The following PRKAR1A variants were observed in gnomAD, a reference collection of about 807,000 sequenced individuals.
PRKAR1A encodes the protein protein kinase cAMP-dependent type I regulatory subunit alpha, also known as cAMP-dependent protein kinase type I-alpha regulatory subunit.
A neutral mutation model predicts 52.0 loss-of-function variants in PRKAR1A; 3 were observed. That is an observed-to-expected ratio of 0.06 (90% CI 0.03 to 0.15). The LOEUF (loss-of-function observed/expected upper bound fraction) is 0.15. PRKAR1A is among the 10% of genes least tolerant of loss of function. The probability of loss-of-function intolerance (pLI) is 1.00; values close to 1 mark genes in which losing one functional copy is unlikely to be tolerated. For synonymous variants in PRKAR1A, 188 were observed against 168.4 expected (o/e 1.12, Z -0.90); for missense variants, 240 against 477.4 (o/e 0.50, Z 4.63).
At chr17:68,435,814 A>G in the PRKAR1A span, 15 of 1,058,084 alleles carry the variant, frequency 1.4e-5, no homozygotes, top group African/African-American at 3.1e-5. Flanking sequence ...TCCTTTGTCC[A>G]GCTCCCTGTC....
chr17:68,465,611 G>A, the PRKAR1A span, among the ~76,000 whole-genome samples: 1 of 139,124 alleles, frequency 7.2e-6, no homozygotes, highest in Non-Finnish European at 1.6e-5. Flanking sequence ...TGCGGTGCGC[G>A]ACCACGCCCA....
the PRKAR1A span, among the ~76,000 whole-genome samples, chr17:68,501,244 C>T: frequency 6.6e-6 from 1 of 152,146 alleles, no homozygotes; most frequent in Non-Finnish European, 1.5e-5. Flanking sequence ...CTTCTGTGAC[C>T]TCCTTCCTCT....
At chr17:68,539,669 A>G (rs1379622821) in intron 11 of PRKAR1A, among the ~76,000 whole-genome samples, 1 of 152,248 alleles carries the variant, frequency 6.6e-6, no homozygotes, top group African/African-American at 2.4e-5. Context: ...CTATTTCACT[A>G]GAGGGCACAC....
intron 2 of PRKAR1A, among the ~76,000 whole-genome samples, chr17:68,518,462 C>T (rs2085499742): frequency 6.6e-6 from 1 of 152,260 alleles, no homozygotes; most frequent in Admixed American, 6.5e-5. Flanking sequence ...AGGCCCAGCA[C>T]CACTTGTAAG....
intron 11 of PRKAR1A, among the ~76,000 whole-genome samples, chr17:68,538,843 A>G (rs1273086968): frequency 6.6e-6 from 1 of 152,248 alleles, no homozygotes; most frequent in Non-Finnish European, 1.5e-5. Flanking sequence ...TGAAAAAGAC[A>G]AAACGTTGTG....
intron 11 of PRKAR1A, among the ~76,000 whole-genome samples, chr17:68,545,840 C>A (rs2086529083): frequency 6.6e-6 from 1 of 152,214 alleles, no homozygotes; most frequent in Non-Finnish European, 1.5e-5. Flanking sequence ...TAGATTCTAT[C>A]TCAAGAAACC....
chr17:68,550,877 G>T (rs2143648906), intron 11 of PRKAR1A, among the ~76,000 whole-genome samples: 1 of 152,352 alleles, frequency 6.6e-6, no homozygotes, highest in South Asian at 2.1e-4. Flanking sequence ...CGCCAAAGCA[G>T]TTGGGACTGA....
At chr17:68,547,612 T>C (rs183882153) in intron 11 of PRKAR1A, among the ~76,000 whole-genome samples, 3 of 152,392 alleles carry the variant, frequency 2.0e-5, no homozygotes, top group East Asian at 3.9e-4. Flanking sequence ...ACCTCTGCTA[T>C]CTTCCAAGTT....
rs915346095 is a variant in PRKAR1A, at chr17:68,518,276, G to A, written c.177+2700G>A. Among the ~76,000 whole-genome samples, 65 of 152,318 alleles carry A rather than the reference G, an allele frequency of 4.3e-4. 1 individual carries two copies. The highest frequency in any genetic ancestry group is 9.4e-4 in the African/African-American group (39 of 41,554). ...TTAGGCAGTGCTGCAGTGGGGACTC[G>A]GTGTGGGGGCTCCAAACGACCCCAC... On this transcript the variant is annotated intron_variant, in intron 2 of 10. Coordinates refer to ENST00000589228, the MANE Select transcript of PRKAR1A (RefSeq NM_002734.5).
At chr17:68,548,729 T>A (rs1393437386) in intron 11 of PRKAR1A, among the ~76,000 whole-genome samples, 1 of 137,410 alleles carries the variant, frequency 7.3e-6, no homozygotes, top group East Asian at 2.1e-4. Flanking sequence ...CTGTATATTT[T>A]TTTTTTTTTT....
At chr17:68,444,981 C>T in the PRKAR1A span, among the ~76,000 whole-genome samples, 7,527 of 143,560 alleles carry the variant, frequency 0.052, 196 homozygotes, top group Middle Eastern at 0.11. Context: ...AGTGCAGTGG[C>T]GCAATCTCAG....
At chr17:68,480,177 C>A in the PRKAR1A span, among the ~76,000 whole-genome samples, 1 of 152,086 alleles carries the variant, frequency 6.6e-6, no homozygotes, top group Non-Finnish European at 1.5e-5. Flanking sequence ...CTAGGGTTTT[C>A]CCCTTAGATT....
the PRKAR1A span, among the ~76,000 whole-genome samples, chr17:68,500,465 G>A: frequency 5.3e-5 from 8 of 151,902 alleles, no homozygotes; most frequent in African/African-American, 1.9e-4. Context: ...ATGGAACTGT[G>A]AGTCCATTAA....
the PRKAR1A span, among the ~76,000 whole-genome samples, chr17:68,419,513 T>C: frequency 2.9e-3 from 436 of 152,122 alleles, 1 homozygote; most frequent in African/African-American, 0.01. Context: ...GAGGCAGAGG[T>C]TGCAGTGAGC....
chr17:68,524,850 T>A (rs888591463), intron 5 of PRKAR1A, 62 bp from the exon 6 acceptor site: 2 of 1,309,910 alleles, frequency 1.5e-6, no homozygotes, highest in Admixed American at 3.4e-5. Context: ...TGTTTTGTAA[T>A]AATTTTGATA....
At chr17:68,472,398 G>A in the PRKAR1A span, among the ~76,000 whole-genome samples, 5 of 152,216 alleles carry the variant, frequency 3.3e-5, 1 homozygote, top group Admixed American at 2.0e-4. Flanking sequence ...TTCCTGCTCC[G>A]GGCGTGTGAG....
chr17:68,437,599 G>A, the PRKAR1A span, among the ~76,000 whole-genome samples: 1 of 151,864 alleles, frequency 6.6e-6, no homozygotes, highest in Non-Finnish European at 1.5e-5. Flanking sequence ...CAAATGCCCT[G>A]CCTTGATAAG....
chr17:68,466,788 T>C, the PRKAR1A span, among the ~76,000 whole-genome samples: 2 of 152,282 alleles, frequency 1.3e-5, no homozygotes, highest in South Asian at 2.1e-4. Context: ...TACATACAGT[T>C]AACCATTTTT....
the PRKAR1A span, among the ~76,000 whole-genome samples, chr17:68,468,242 G>A: frequency 6.6e-6 from 1 of 152,318 alleles, no homozygotes; most frequent in South Asian, 2.1e-4. Context: ...TGACATCAAA[G>A]AGGGCATGTC....
Sources: gnomAD v4.1 joint callset for allele counts (sites outside exome capture counted in the v4.1 genomes callset) on GRCh38, gnomAD v4.1.1 for gene constraint, MANE v1.5 for transcripts, NCBI Gene and HGNC (gene_info 2026-07-23, HGNC 2026-07-21) for gene names.